GRIK1: variants seen among roughly 807,000 people sequenced by gnomAD.
The protein encoded by GRIK1 is glutamate receptor ionotropic, kainate 1.
GRIK1 carries 69 observed loss-of-function variants against 105.7 expected under a neutral mutation model. That is an observed-to-expected ratio of 0.65 (90% CI 0.54 to 0.80). The LOEUF (loss-of-function observed/expected upper bound fraction) is 0.80. GRIK1 is among the 30% of genes least tolerant of loss of function. The pLI is 0.00. For synonymous variants in GRIK1, 438 were observed against 431.3 expected (o/e 1.02, Z -0.19); for missense variants, 1,109 against 1,167.3 (o/e 0.95, Z 0.73).
chr21:29,689,292 T>C (rs964923664), intron 3 of GRIK1, among the ~76,000 whole-genome samples: 2 of 152,208 alleles, frequency 1.3e-5, no homozygotes, highest in African/African-American at 4.8e-5. Flanking sequence ...ACTCTATTGG[T>C]ACAACCTCTA....
chr21:29,849,565 G>C (rs1352384062), intron 1 of GRIK1, among the ~76,000 whole-genome samples: 2 of 152,202 alleles, frequency 1.3e-5, no homozygotes, highest in Non-Finnish European at 2.9e-5. Context: ...GATAAGTGTA[G>C]AGTGATGTCA....
chr21:29,694,430 A>G (rs933422122), intron 1 of GRIK1, among the ~76,000 whole-genome samples: 12 of 152,248 alleles, frequency 7.9e-5, no homozygotes, highest in East Asian at 3.9e-4. Flanking sequence ...GGCCAGTAAA[A>G]AGAAGAATGT....
At chr21:29,828,951 A>T (rs2067551620) in intron 1 of GRIK1, among the ~76,000 whole-genome samples, 1 of 152,156 alleles carries the variant, frequency 6.6e-6, no homozygotes, top group African/African-American at 2.4e-5. Flanking sequence ...CTCCAAAGCA[A>T]ACCTTTTAAC....
chr21:29,669,399 A>G (rs138811739), intron 4 of GRIK1, among the ~76,000 whole-genome samples: 3 of 152,338 alleles, frequency 2.0e-5, no homozygotes, highest in Non-Finnish European at 4.4e-5. Flanking sequence ...CTTGGCAGTG[A>G]TTTCAGCTAC....
chr21:29,649,849 G>A (rs1184524966), intron 6 of GRIK1, among the ~76,000 whole-genome samples: 1 of 152,178 alleles, frequency 6.6e-6, no homozygotes, highest in Non-Finnish European at 1.5e-5. Context: ...CTCATCCTGT[G>A]ATTGAAACTT....
chr21:29,592,922 C>T (rs1471677784), intron 9 of GRIK1, among the ~76,000 whole-genome samples: 1 of 152,174 alleles, frequency 6.6e-6, no homozygotes, highest in African/African-American at 2.4e-5. Flanking sequence ...TGGAGCTATG[C>T]TTGGTCCCTA....
At chr21:29,689,199 T>C (rs1378517965) in intron 3 of GRIK1, among the ~76,000 whole-genome samples, 1 of 152,190 alleles carries the variant, frequency 6.6e-6, no homozygotes, top group Non-Finnish European at 1.5e-5. Flanking sequence ...ATTTCCATCC[T>C]GCACCCTGAA....
intron 1 of GRIK1, among the ~76,000 whole-genome samples, chr21:29,899,903 A>G (rs1057305563): frequency 5.3e-5 from 8 of 152,180 alleles, no homozygotes; most frequent in Non-Finnish European, 1.2e-4. Flanking sequence ...TTACATATTC[A>G]GTACAAAAAC....
intron 1 of GRIK1, among the ~76,000 whole-genome samples, chr21:29,840,424 G>T (rs1325363517): frequency 6.6e-6 from 1 of 152,036 alleles, no homozygotes; most frequent in East Asian, 1.9e-4. Context: ...AAATAGCTTT[G>T]TCTTTCATAT....
At chr21:29,596,330 A>G (rs2061411724) in intron 9 of GRIK1, 196 bp downstream of exon 9, 5 of 704,878 alleles carry the variant, frequency 7.1e-6, no homozygotes, top group Non-Finnish European at 1.3e-5. Flanking sequence ...TCCACTGCAA[A>G]CCTGTTTTCA....
chr21:29,907,026 A>AT (rs1383825630), intron 1 of GRIK1, among the ~76,000 whole-genome samples: 1 of 151,444 alleles, frequency 6.6e-6, no homozygotes, highest in African/African-American at 2.4e-5. Flanking sequence ...ATAAAAATAA[A>AT]AAAAAAAAAG....
At chr21:29,615,705 A>G (rs1186490896) in intron 7 of GRIK1, among the ~76,000 whole-genome samples, 2 of 152,384 alleles carry the variant, frequency 1.3e-5, no homozygotes, top group Non-Finnish European at 1.5e-5. Flanking sequence ...TAATACTGCT[A>G]TAATTTCAGA....
chr21:29,692,183 G>A (rs1298694400), intron 2 of GRIK1, among the ~76,000 whole-genome samples: 2 of 152,200 alleles, frequency 1.3e-5, no homozygotes, highest in African/African-American at 2.4e-5. Context: ...AAGAAGCTCT[G>A]GGGGTGTTTA....
At chr21:29,839,153 G>A (rs752911930) in intron 1 of GRIK1, among the ~76,000 whole-genome samples, 5 of 152,020 alleles carry the variant, frequency 3.3e-5, no homozygotes, top group African/African-American at 7.2e-5. Flanking sequence ...AGGTTCAAGC[G>A]ATTCTCCTGC....
At chr21:29,554,686 G>A (rs1363346356) in intron 16 of GRIK1, among the ~76,000 whole-genome samples, 3 of 152,128 alleles carry the variant, frequency 2.0e-5, no homozygotes, top group Non-Finnish European at 4.4e-5. Flanking sequence ...TAACATTTCT[G>A]TTAAATATCT....
chr21:29,862,144 G>C lies in GRIK1; in HGVS notation c.118+77239C>G, dbSNP rs372952902. On this transcript the variant is annotated intron_variant, in intron 1 of 17. Transcript: ENST00000327783. ...TGGGACTACAGGTGTGCACCACCAG[G>C]CCTGGCTAATTGTCTTATTTTTTTG... is the stretch of plus-strand genomic sequence containing the variant. Among the ~76,000 whole-genome samples the C allele has an allele frequency of 2.7e-4, 41 of 152,128 alleles. No individual in the cohort carries two copies. In the East Asian group the frequency reaches 5.2e-3, roughly 19 times the overall value.
chr21:29,891,518 G>A (rs1409333317), intron 1 of GRIK1, among the ~76,000 whole-genome samples: 1 of 152,062 alleles, frequency 6.6e-6, no homozygotes, highest in East Asian at 1.9e-4. Context: ...TTCCCTTTCT[G>A]TGATAAAGAT....
chr21:29,733,587 A>C, intron 1 of GRIK1, among the ~76,000 whole-genome samples: 1 of 152,108 alleles, frequency 6.6e-6, no homozygotes, highest in East Asian at 1.9e-4. Context: ...TATTCATTAA[A>C]CTAAAACCTC....
intron 7 of GRIK1, among the ~76,000 whole-genome samples, chr21:29,610,754 A>C (rs777004487): frequency 2.6e-5 from 4 of 152,220 alleles, no homozygotes; most frequent in African/African-American, 4.8e-5. Flanking sequence ...CTAAAAAGCA[A>C]TAGGAAACTC....
Sources: allele counts gnomAD v4.1 joint callset (sites outside exome capture counted in the v4.1 genomes callset), GRCh38; gene constraint gnomAD v4.1.1; transcripts MANE v1.5; gene names NCBI Gene and HGNC (gene_info 2026-07-23, HGNC 2026-07-21).